ZNF585A: variants seen among roughly 807,000 people sequenced by gnomAD.
ZNF585A encodes zinc finger protein 585A.
Under a neutral mutation model 14.9 loss-of-function variants are expected in ZNF585A, and 9 were observed. The ratio of observed to expected loss-of-function variants is 0.60; its 90% CI spans 0.36 to 1.05. The LOEUF (loss-of-function observed/expected upper bound fraction) is 1.05. Ranked by LOEUF, ZNF585A falls within the 50% of genes least tolerant of loss-of-function variation. ZNF585A has a pLI of 0.01. For synonymous variants in ZNF585A, 276 were observed against 319.9 expected, an observed-to-expected ratio of 0.86 and a Z score of 1.46; for missense variants, 726 against 926.4, an observed-to-expected ratio of 0.78 and a Z score of 2.81.
rs1436499926 is a variant in ZNF585A at position 37,148,107 on chromosome 19, T to C, written c.*3482A>G. 2.6e-5 allele frequency: 4 copies of C among 152,178 alleles called. No individual in the cohort carries two copies. Among genetic ancestry groups the C allele is most frequent in the Non-Finnish European group, 5.9e-5 (4 of 68,030 alleles). The allele number at this position is 152,178 out of a possible 1,614,324, so 9.4% of individuals were successfully genotyped here. ...TAAGAAGCTGCCAAACTTTTGTGCA[T>C]AGTGGACAGACCGTTTTACAATCCT... On this transcript the variant is annotated 3_prime_UTR_variant, in exon 5 of 5. Transcript: ENST00000292841.
intron 2 of ZNF585A, among the ~76,000 whole-genome samples, chr19:37,163,282 T>A (rs1253861016): frequency 2.6e-4 from 40 of 151,580 alleles, no homozygotes; most frequent in African/African-American, 9.4e-4. Flanking sequence ...GAGAGGAGAT[T>A]AAGAAGAATA....
At chr19:37,170,901 C>G (rs1972171192) in intron 1 of ZNF585A, among the ~76,000 whole-genome samples, 1 of 152,156 alleles carries the variant, frequency 6.6e-6, no homozygotes, top group Non-Finnish European at 1.5e-5. Context: ...CAATACATAT[C>G]AGCGATTACC....
intron 2 of ZNF585A, among the ~76,000 whole-genome samples, chr19:37,161,808 A>G (rs538422726): frequency 6.6e-6 from 1 of 152,356 alleles, no homozygotes; most frequent in East Asian, 1.9e-4. Context: ...TCTAAGAAAA[A>G]AAAAGTCATG....
intron 2 of ZNF585A, among the ~76,000 whole-genome samples, chr19:37,156,799 C>G (rs2145403684): frequency 6.6e-6 from 1 of 152,220 alleles, no homozygotes; most frequent in African/African-American, 2.4e-5. Context: ...TCAAGAGAGT[C>G]TCCTACCTCA....
chr19:37,154,794 TAA>T (rs532561001), intron 4 of ZNF585A, among the ~76,000 whole-genome samples: 11 of 105,552 alleles, frequency 1.0e-4, no homozygotes, highest in Admixed American at 2.9e-4. Context: ...CATCTCACAG[TAA>T]AAAAAAAAAA....
rs1357768004 is a variant in ZNF585A, at chr19:37,147,431, C to T, written c.*4158G>A. ...CCTGACAAATAAAAATGTTGACTAA[C>T]TCCAACTGCAGACTCTCTGGCCTCT... is the stretch of plus-strand genomic sequence containing the variant. On this transcript the variant is annotated 3_prime_UTR_variant, in exon 5 of 5. Coordinates refer to ENST00000292841, the MANE Select transcript of ZNF585A (RefSeq NM_001288800.2). 6.6e-6 allele frequency: 1 copy of T among 152,212 alleles called. No homozygotes were observed. The highest frequency in any genetic ancestry group is 1.5e-5 in the Non-Finnish European group (1 of 68,030). 9.4% of individuals were successfully genotyped at this position (152,212 alleles called of 1,614,324 possible). A position where few individuals can be genotyped will look rare whatever the true frequency, so the allele number is the denominator to read the frequency against.
At position 37,148,486 on chromosome 19, in the gene ZNF585A, T is replaced by A. The variant is rs187768649; in HGVS notation, c.*3103A>T. 6.6e-6 allele frequency: 1 copy of A among 152,152 alleles called. No individual in the cohort carries two copies. The highest frequency in any genetic ancestry group is 1.9e-4 in the East Asian group (1 of 5,166). The allele number at this position is 152,152 out of a possible 1,614,324, so 9.4% of individuals were successfully genotyped here. A position where few individuals can be genotyped will look rare whatever the true frequency, so the allele number is the denominator to read the frequency against. On this transcript the variant is annotated 3_prime_UTR_variant, in exon 5 of 5. Transcript: ENST00000292841. ...TATAGAGACGGAAACAGACTGGTGA[T>A]TGCCAAGGGCTGGGAGTGGGAAAAG...
intron 2 of ZNF585A, among the ~76,000 whole-genome samples, chr19:37,169,561 C>T (rs1209323934): frequency 6.6e-6 from 1 of 152,096 alleles, no homozygotes; most frequent in Non-Finnish European, 1.5e-5. Flanking sequence ...CTATCCACAG[C>T]CCAAAGATCA....
Position 37,151,362 on chromosome 19 carries a change from C to T in ZNF585A, c.*227G>A. On this transcript the variant is annotated 3_prime_UTR_variant, in exon 5 of 5. Transcript: ENST00000292841. Reference sequence around the variant, plus strand: ...CCTATTCACCAAATTGACTCGGTTCCTTGTCAGTATGAATAATGACCCAAG... The same window carrying T: ...CCTATTCACCAAATTGACTCGGTTCTTTGTCAGTATGAATAATGACCCAAG... 2.1e-6 allele frequency: 1 copy of T among 477,838 alleles called. No homozygotes were observed. 29.6% of individuals were successfully genotyped at this position (477,838 alleles called of 1,614,324 possible).
chr19:37,166,704 A>C lies in ZNF585A; in HGVS notation c.72+3135T>G, dbSNP rs577022289. Among the ~76,000 whole-genome samples the C allele has an allele frequency of 4.1e-5, 6 of 144,744 alleles. No homozygotes were observed. In the South Asian group the frequency reaches 1.2e-3, roughly 30 times the overall value. The allele number at this position is 144,744 out of a possible 152,430, so 95.0% of individuals were successfully genotyped here. ...ATTTTTTGATTGTCAACACATCAAC[A>C]CAGCAACTTGTGTTTCTGTCAAACT... On this transcript the variant is annotated intron_variant, in intron 2 of 4. Coordinates refer to ENST00000292841, the MANE Select transcript of ZNF585A (RefSeq NM_001288800.2).
Position 37,152,825 on chromosome 19 carries a change from C to G in ZNF585A, c.1074G>C (p.Glu358Asp), listed in dbSNP as rs957647775. The change falls in exon 5 of 5, where the codon GAG (glutamate) becomes GAC (aspartate). Residue 358 changes from glutamate to aspartate, a missense_variant. Coordinates refer to ENST00000292841, the MANE Select transcript of ZNF585A (RefSeq NM_001288800.2). ...ACCTGTAGGTAAAGGCCTTCCCACA[C>G]TCAGTACATATGGAAGATTTCTCTC... ...QSREKSSICT[E>D]CGKAFTYRSE... 2 of 1,614,010 alleles carry G rather than the reference C, an allele frequency of 1.2e-6. No individual in the cohort carries two copies. The highest frequency in any genetic ancestry group is 1.3e-5 in the African/African-American group (1 of 74,910).
At chr19:37,171,632 G>T (rs1032595018) in intron 1 of ZNF585A, among the ~76,000 whole-genome samples, 5 of 152,202 alleles carry the variant, frequency 3.3e-5, no homozygotes, top group African/African-American at 1.2e-4. Flanking sequence ...CGGGCGCAGT[G>T]GCTCACGCCT....
chr19:37,156,589 A>ATCATACAT (rs1971935080), intron 2 of ZNF585A, among the ~76,000 whole-genome samples: 2 of 152,184 alleles, frequency 1.3e-5, no homozygotes, highest in Admixed American at 1.3e-4. Context: ...TTAACACTTT[A>ATCATACAT]CTTGCTTTAT....
At chr19:37,153,660 CT>C in intron 4 of ZNF585A, 54 bp from the exon 5 acceptor site, 1 of 1,363,204 alleles carries the variant, frequency 7.3e-7, no homozygotes, top group Non-Finnish European at 1.0e-6. Flanking sequence ...ATTTGGTAAT[CT>C]TTTTAACATT....
At chr19:37,161,585 G>C (rs1226424732) in intron 2 of ZNF585A, among the ~76,000 whole-genome samples, 1 of 151,966 alleles carries the variant, frequency 6.6e-6, no homozygotes, top group Admixed American at 6.6e-5. Flanking sequence ...TGCCTCTCCT[G>C]CCTCCCCTTC....
intron 2 of ZNF585A, among the ~76,000 whole-genome samples, chr19:37,167,809 G>A (rs777556566): frequency 4.0e-5 from 6 of 150,680 alleles, no homozygotes; most frequent in Non-Finnish European, 8.9e-5. Flanking sequence ...TTCAGTATGA[G>A]TCTTCAGTAT....
chr19:37,152,804 G>A lies in ZNF585A; in HGVS notation c.1095C>T (p.Tyr365=), dbSNP rs1169859670. The stretch of plus-strand genomic sequence containing the variant: ...TCTGATGAATAATCAACTCTGACCT[G>A]TAGGTAAAGGCCTTCCCACACTCAG... The part of the protein sequence containing the change: ...ICTECGKAFT[Y]RSELIIHQRI... Residue 365 remains tyrosine (Y), a synonymous_variant, in exon 5 of 5, where the codon TAC becomes TAT. Coordinates refer to ENST00000292841, the MANE Select transcript of ZNF585A (RefSeq NM_001288800.2). The A allele has an allele frequency of 1.2e-6, 2 of 1,614,072 alleles. No individual in the cohort carries two copies. Among genetic ancestry groups the A allele is most frequent in the Non-Finnish European group, 8.5e-7 (1 of 1,179,972 alleles).
Position 37,151,658 on chromosome 19 carries a change from C to T in ZNF585A, c.2241G>A (p.Lys747=), listed in dbSNP as rs1184099985. ...QTTHTGDKPY[K]CGICGKGFVQ... is the part of the protein sequence containing the mutation. ...CGAAGCCTTTCCCACAGATGCCACA[C>T]TTGTAGGGTTTGTCTCCAGTGTGTG... The change falls in exon 5 of 5, where the codon AAG becomes AAA. Residue 747 remains lysine (K), a synonymous_variant. Coordinates refer to ENST00000292841, the MANE Select transcript of ZNF585A (RefSeq NM_001288800.2). 20 of 1,614,056 alleles carry T rather than the reference C, an allele frequency of 1.2e-5. No homozygotes were observed. The highest frequency in any genetic ancestry group is 3.3e-4 in the Middle Eastern group (2 of 6,084).
chr19:37,171,991 A>G (rs1972190543), intron 1 of ZNF585A, among the ~76,000 whole-genome samples: 1 of 152,190 alleles, frequency 6.6e-6, no homozygotes, highest in Non-Finnish European at 1.5e-5. Context: ...TAACCTTTCC[A>G]GAGTTGAGTA....
Sources: gnomAD v4.1 joint callset for allele counts (sites outside exome capture counted in the v4.1 genomes callset) on GRCh38, gnomAD v4.1.1 for gene constraint, MANE v1.5 for transcripts, NCBI Gene and HGNC (gene_info 2026-07-23, HGNC 2026-07-21) for gene names.